RNF212: variants seen among roughly 807,000 people sequenced by gnomAD.
RNF212 encodes ring finger protein 212.
A neutral mutation model predicts 34.7 loss-of-function variants in RNF212; 33 were observed. The ratio of observed to expected loss-of-function variants is 0.95; its 90% CI spans 0.72 to 1.27. RNF212 has a LOEUF of 1.27. Ranked by LOEUF, RNF212 falls within the 50% of genes most tolerant of loss-of-function variation. The pLI, the probability that RNF212 is intolerant of heterozygous loss-of-function variation, is 0.00. For missense variants in RNF212, 377 were observed against 362.2 expected, an observed-to-expected ratio of 1.04 and a Z score of -0.33; for synonymous variants, 140 against 136.1, an observed-to-expected ratio of 1.03 and a Z score of -0.20.
intron 4 of RNF212, chr4:1,056,890 C>A: frequency 1.0e-6 from 1 of 987,854 alleles, no homozygotes; most frequent in Non-Finnish European, 1.2e-6. Flanking sequence ...GCCGGGGGGG[C>A]AGCCTGGCCT....
At chr4:1,056,459 G>A (rs184516710) in exon 5 of RNF212, 15 of 972,200 alleles carry the variant, frequency 1.5e-5, no homozygotes, top group South Asian at 1.4e-4. Context: ...TGGAAGTCGC[G>A]GTAAAAACAC....
At chr4:1,087,106 A>G (rs984358140) in intron 4 of RNF212, among the ~76,000 whole-genome samples, 1 of 114 alleles carries the variant, frequency 8.8e-3, no homozygotes, top group South Asian at 0.17. Flanking sequence ...GACGGGGTGG[A>G]GGTGAGAGGA....
chr4:1,103,530 T>C (rs1724351710), intron 2 of RNF212, among the ~76,000 whole-genome samples: 1 of 152,196 alleles, frequency 6.6e-6, no homozygotes, highest in African/African-American at 2.4e-5. Flanking sequence ...TACTTACATA[T>C]ACAAGCTACC....
At chr4:1,057,115 T>G (rs573198023) in intron 4 of RNF212, 2 of 386,542 alleles carry the variant, frequency 5.2e-6, no homozygotes, top group South Asian at 1.1e-4. Context: ...CAAAGGCATC[T>G]CTGAGAACCT....
chr4:1,061,818 G>A (rs6822863), intron 3 of RNF212, among the ~76,000 whole-genome samples: 121,160 of 152,152 alleles, frequency 0.8, 48,719 homozygotes, highest in African/African-American at 0.89. Flanking sequence ...AAACAACCTT[G>A]GATAAAAATA....
At chr4:1,078,335 C>T (rs1185949697) in intron 8 of RNF212, among the ~76,000 whole-genome samples, 1 of 152,204 alleles carries the variant, frequency 6.6e-6, no homozygotes, top group Non-Finnish European at 1.5e-5. Flanking sequence ...GTGCAGCTCA[C>T]TCTGCCCTGA....
At position 1,087,709 on chromosome 4, in the gene RNF212, G is replaced by C. The variant is rs896316970; in HGVS notation, c.304-1755C>G. 5.9e-5 allele frequency among the ~76,000 whole-genome samples: 9 copies of C among 151,270 alleles called. 1 individual carries two copies. Among genetic ancestry groups the C allele is most frequent in the Non-Finnish European group, 1.2e-4 (8 of 67,844 alleles). On this transcript the variant is annotated intron_variant, in intron 4 of 9. Transcript: ENST00000433731. ...CTCATCTCAAATTGTAATCCCATGT[G>C]TCAAGGGGAAGAATCTGGGGGAGGT...
At chr4:1,094,135 C>A in intron 3 of RNF212, 1 of 1,223,246 alleles carries the variant, frequency 8.2e-7, no homozygotes, top group Non-Finnish European at 1.1e-6. Context: ...TGCAGGGGTC[C>A]ATCCTCAGTC....
chr4:1,069,610 G>T (rs977756527), downstream of RNF212, among the ~76,000 whole-genome samples: 19 of 152,202 alleles, frequency 1.2e-4, no homozygotes, highest in African/African-American at 4.3e-4. Flanking sequence ...TCAATCAGGT[G>T]ACTAAGGTGA....
intron 4 of RNF212, chr4:1,057,049 T>A: frequency 1.1e-6 from 1 of 948,502 alleles, no homozygotes; most frequent in Non-Finnish European, 1.3e-6. Flanking sequence ...TCGGAGCATC[T>A]CTGGTGACAC....
At chr4:1,109,244 G>A (rs554840440) in intron 1 of RNF212, among the ~76,000 whole-genome samples, 21 of 152,032 alleles carry the variant, frequency 1.4e-4, no homozygotes, top group African/African-American at 4.3e-4. Flanking sequence ...CTGACCTCAG[G>A]TGATCAGCCC....
chr4:1,112,371 G>C (rs1295484013), intron 1 of RNF212, among the ~76,000 whole-genome samples: 1 of 152,082 alleles, frequency 6.6e-6, no homozygotes, highest in African/African-American at 2.4e-5. Context: ...CCTGGGGCTG[G>C]AGGGCTGTGA....
At chr4:1,066,568 C>T (rs538135101), downstream of RNF212, among the ~76,000 whole-genome samples, 4 of 152,214 alleles carry the variant, frequency 2.6e-5, no homozygotes, top group Non-Finnish European at 5.9e-5. Context: ...TGAGCTCAAG[C>T]GATCCTTTTG....
chr4:1,082,214 G>A (rs2153043839), intron 5 of RNF212, among the ~76,000 whole-genome samples: 1 of 152,296 alleles, frequency 6.6e-6, no homozygotes, highest in African/African-American at 2.4e-5. Context: ...AAGTTACTTG[G>A]TCACGTTTTC....
In RNF212 at chr4:1,096,002, T is replaced by C. The variant is rs547364826; in HGVS notation, c.246+763A>G. On this transcript the variant is annotated intron_variant, in intron 3 of 9. Transcript: ENST00000433731. Reference sequence around the variant, plus strand: ...GCACAACTCCCACAGCTCCATGGTCTCGGGATAGCGCACCTGGCTCATCAC... The same window carrying C: ...GCACAACTCCCACAGCTCCATGGTCCCGGGATAGCGCACCTGGCTCATCAC... Among the ~76,000 whole-genome samples the C allele has an allele frequency of 3.4e-4, 27 of 79,468 alleles. No homozygotes were observed. In the South Asian group the frequency reaches 0.012, roughly 35 times the overall value. The allele number at this position is 79,468 out of a possible 152,430, so 52.1% of individuals were successfully genotyped here.
At chr4:1,071,424 G>A (rs1718483257), downstream of RNF212, 1 of 152,056 alleles carries the variant, frequency 6.6e-6, no homozygotes, top group Non-Finnish European at 1.5e-5. Context: ...GAAGAATTCT[G>A]TTCTGTGAAA....
At chr4:1,101,642 G>A (rs368648811) in intron 2 of RNF212, 16 of 203,240 alleles carry the variant, frequency 7.9e-5, no homozygotes, top group South Asian at 2.0e-4. Flanking sequence ...CTGCTACATC[G>A]TCATCTATTG....
chr4:1,072,553 C>T lies in RNF212; in HGVS notation c.*321G>A. 2 of 557,544 alleles carry T rather than the reference C, an allele frequency of 3.6e-6. No homozygotes were observed. The highest frequency in any genetic ancestry group is 4.8e-6 in the Non-Finnish European group (2 of 415,844). The allele number at this position is 557,544 out of a possible 1,614,324, so 34.5% of individuals were successfully genotyped here. A position where few individuals can be genotyped will look rare whatever the true frequency, so the allele number is the denominator to read the frequency against. Reference sequence around the variant, plus strand: ...CCTTCCTTTCAATTTTTCTGTGAACCTAAAACTGCTCTAAGAAAAAGTTTT... The same window carrying T: ...CCTTCCTTTCAATTTTTCTGTGAACTTAAAACTGCTCTAAGAAAAAGTTTT... On this transcript the variant is annotated 3_prime_UTR_variant, in exon 10 of 10. Coordinates refer to ENST00000433731, the MANE Select transcript of RNF212 (RefSeq NM_001131034.4).
intron 3 of RNF212, among the ~76,000 whole-genome samples, chr4:1,062,324 C>T (rs1358902695): frequency 2.0e-5 from 3 of 152,164 alleles, no homozygotes; most frequent in African/African-American, 7.2e-5. Context: ...ACAGTTCCTT[C>T]AACATACAGA....
Sources: allele counts gnomAD v4.1 joint callset (sites outside exome capture counted in the v4.1 genomes callset), GRCh38; gene constraint gnomAD v4.1.1; transcripts MANE v1.5; gene names NCBI Gene and HGNC (gene_info 2026-07-23, HGNC 2026-07-21).